The following NME7 variants were observed in gnomAD, a reference collection of about 807,000 sequenced individuals.
NME7 encodes the protein nucleoside diphosphate kinase 7.
Under a neutral mutation model 49.1 loss-of-function variants are expected in NME7, and 41 were observed. That is an observed-to-expected ratio of 0.83 (90% CI 0.65 to 1.08). NME7 has a LOEUF of 1.08. Ranked by LOEUF, NME7 falls within the 50% of genes least tolerant of loss-of-function variation. The pLI, the probability that NME7 is intolerant of heterozygous loss-of-function variation, is 0.00. For synonymous variants in NME7, 139 were observed against 150.6 expected, an observed-to-expected ratio of 0.92 and a Z score of 0.56; for missense variants, 423 against 463.4, an observed-to-expected ratio of 0.91 and a Z score of 0.80.
At chr1:169,364,279 G>A (rs2101993116) in intron 1 of NME7, among the ~76,000 whole-genome samples, 1 of 152,306 alleles carries the variant, frequency 6.6e-6, no homozygotes, top group South Asian at 2.1e-4. Context: ...AATGAGGCAA[G>A]TACAATAGGA....
chr1:169,352,030 CA>C, intron 1 of NME7, among the ~76,000 whole-genome samples: 1 of 151,472 alleles, frequency 6.6e-6, no homozygotes, highest in East Asian at 1.9e-4. Flanking sequence ...CAAACTATTC[CA>C]AAAAATAGAG....
chr1:169,302,080 A>G lies in NME7; in HGVS notation c.440+1065T>C, dbSNP rs563429144. On this transcript the variant is annotated intron_variant, in intron 5 of 11. Coordinates refer to ENST00000367811, the MANE Select transcript of NME7 (RefSeq NM_013330.5). The stretch of plus-strand genomic sequence containing the variant: ...TAAAATAGAAGTTGATTTTTTTTTA[A>G]AAAAAAAGTCAAAAAACGACAGATA... 6.6e-5 allele frequency: 10 copies of G among 151,012 alleles called. No individual in the cohort carries two copies. In the East Asian group the frequency reaches 2.0e-3, roughly 30 times the overall value. 9.4% of individuals were successfully genotyped at this position (151,012 alleles called of 1,614,324 possible).
chr1:169,152,716 T>C (rs937513370), intron 11 of NME7, among the ~76,000 whole-genome samples: 1 of 152,140 alleles, frequency 6.6e-6, no homozygotes, highest in Non-Finnish European at 1.5e-5. Context: ...ATGGTCCTAT[T>C]TTAGACTACC....
intron 10 of NME7, among the ~76,000 whole-genome samples, chr1:169,227,180 C>T (rs557606015): frequency 6.6e-5 from 10 of 152,164 alleles, no homozygotes; most frequent in Non-Finnish European, 1.2e-4. Flanking sequence ...GATCGTGAAC[C>T]TGCTCACTCC....
chr1:169,218,047 C>G (rs1177939453), intron 10 of NME7, among the ~76,000 whole-genome samples: 1 of 152,176 alleles, frequency 6.6e-6, no homozygotes, highest in Non-Finnish European at 1.5e-5. Flanking sequence ...ACAAATATCT[C>G]AGACTTAAAT....
intron 7 of NME7, among the ~76,000 whole-genome samples, chr1:169,249,862 C>T (rs927517626): frequency 2.6e-5 from 4 of 151,882 alleles, no homozygotes; most frequent in Admixed American, 2.0e-4. Context: ...TTTTGATGTG[C>T]TGCTTGAATT....
chr1:169,146,825 AT>A (rs1282807057), intron 11 of NME7, among the ~76,000 whole-genome samples: 1 of 152,242 alleles, frequency 6.6e-6, no homozygotes, highest in Admixed American at 6.5e-5. Context: ...ACAAATAATT[AT>A]TTAACAATAC....
chr1:169,259,480 A>G (rs1300894548), intron 7 of NME7, among the ~76,000 whole-genome samples: 1 of 133,892 alleles, frequency 7.5e-6, no homozygotes, highest in Non-Finnish European at 1.8e-5. Flanking sequence ...AAAGGGAAGG[A>G]AGAAAATGCA....
intron 11 of NME7, among the ~76,000 whole-genome samples, chr1:169,167,536 A>T (rs932395): frequency 0.37 from 56,372 of 151,978 alleles, 11,035 homozygotes; most frequent in East Asian, 0.73. Context: ...AAAATAAAAT[A>T]TTTATTTACA....
chr1:169,225,783 C>T (rs1390804045), intron 10 of NME7, among the ~76,000 whole-genome samples: 1 of 152,094 alleles, frequency 6.6e-6, no homozygotes, highest in East Asian at 1.9e-4. Context: ...ATGAGCATTC[C>T]TTCCAGCTAT....
At chr1:169,244,208 A>C (rs1648210697) in intron 7 of NME7, among the ~76,000 whole-genome samples, 2 of 152,180 alleles carry the variant, frequency 1.3e-5, no homozygotes, top group African/African-American at 4.8e-5. Flanking sequence ...CTGATTATTC[A>C]GACTTTAAGA....
At chr1:169,187,556 T>TATAGCAGGATTATAGCAGGATTATAGC (rs2101757538) in intron 10 of NME7, among the ~76,000 whole-genome samples, 1 of 152,254 alleles carries the variant, frequency 6.6e-6, no homozygotes, top group Non-Finnish European at 1.5e-5. Context: ...TATCAGAGAC[T>TATAGCAGGATTATAGCAGGATTATAGC]AGGATTGCGA....
At chr1:169,190,706 C>T (rs748021519) in intron 10 of NME7, 1 of 425,546 alleles carries the variant, frequency 2.3e-6, no homozygotes, top group South Asian at 1.7e-5. Flanking sequence ...ATTTGGGGGT[C>T]TGGGGAGAGA....
Position 169,298,747 on chromosome 1 carries a change from T to A in NME7, c.457A>T (p.Ile153Phe). The part of the protein sequence containing the change: ...RPFFNELIQF[I>F]TTGPIIAMEI... ...ATGGCAATAATAGGACCAGTTGTAA[T>A]AAACTGGATCAGCTCACTACAAAAC... is the stretch of plus-strand genomic sequence containing the variant. The change falls in exon 6 of 12, where the codon ATT becomes TTT. Residue 153 changes from isoleucine (I) to phenylalanine (F), a missense_variant. By Grantham distance (21) the Ile-to-Phe change is conservative. Transcript: ENST00000367811. The A allele has an allele frequency of 1.2e-6, 2 of 1,613,504 alleles. No homozygotes were observed. Among genetic ancestry groups the A allele is most frequent in the Non-Finnish European group, 1.7e-6 (2 of 1,179,592 alleles).
chr1:169,166,145 T>C (rs954226074), intron 11 of NME7, among the ~76,000 whole-genome samples: 1 of 152,198 alleles, frequency 6.6e-6, no homozygotes, highest in East Asian at 1.9e-4. Flanking sequence ...GATAATATTT[T>C]TAATGGGTAT....
At chr1:169,225,869 G>A (rs1277610685) in intron 10 of NME7, among the ~76,000 whole-genome samples, 1 of 152,116 alleles carries the variant, frequency 6.6e-6, no homozygotes, top group Admixed American at 6.6e-5. Flanking sequence ...AACATATATA[G>A]TTACAAACTG....
At chr1:169,158,305 A>C (rs1231057615) in intron 11 of NME7, among the ~76,000 whole-genome samples, 1 of 152,238 alleles carries the variant, frequency 6.6e-6, no homozygotes. Context: ...ACAATAAAAT[A>C]GCATAATTAT....
intron 11 of NME7, among the ~76,000 whole-genome samples, chr1:169,138,729 A>G (rs755807670): frequency 2.0e-5 from 3 of 152,102 alleles, no homozygotes; most frequent in Non-Finnish European, 2.9e-5. Flanking sequence ...TAAAATATAT[A>G]TAGATATGTA....
chr1:169,323,306 A>C (rs1339910174), intron 2 of NME7, 23 bp from the exon 3 acceptor site: 9 of 1,461,990 alleles, frequency 6.2e-6, no homozygotes, highest in Non-Finnish European at 7.2e-6. Context: ...ACAACAATAT[A>C]ACAAACAAAC....
Sources: allele counts gnomAD v4.1 joint callset (sites outside exome capture counted in the v4.1 genomes callset), GRCh38; gene constraint gnomAD v4.1.1; transcripts MANE v1.5; gene names NCBI Gene and HGNC (gene_info 2026-07-23, HGNC 2026-07-21).